LINGO1: variants seen among roughly 807,000 people sequenced by gnomAD.
The protein encoded by LINGO1 is leucine-rich repeat and immunoglobulin-like domain-containing nogo receptor-interacting protein 1.
In LINGO1, 11 loss-of-function variants were observed where a neutral mutation model predicts 37.3. The ratio of observed to expected loss-of-function variants is 0.29; its 90% CI spans 0.19 to 0.49. The LOEUF (loss-of-function observed/expected upper bound fraction) is 0.49, where lower values mean the gene tolerates loss of function less well. LINGO1 is among the 20% of genes least tolerant of loss of function. The probability of loss-of-function intolerance (pLI) is 0.99; values close to 1 mark genes in which losing one functional copy is unlikely to be tolerated. For missense variants in LINGO1, 585 were observed against 878.2 expected (o/e 0.67, Z 4.22); for synonymous variants, 387 against 403.0 (o/e 0.96, Z 0.48).
At chr15:77,711,151 T>A (rs1392284776) in intron 2 of LINGO1, among the ~76,000 whole-genome samples, 1 of 152,186 alleles carries the variant, frequency 6.6e-6, no homozygotes, top group Admixed American at 6.5e-5. Context: ...CAACCCTTGC[T>A]CCTCCTTTGC....
In LINGO1 at chr15:77,663,919, G is replaced by C. The variant is rs138370176; in HGVS notation, c.-13+13170C>G. Among the ~76,000 whole-genome samples, 779 of 152,312 alleles carry C rather than the reference G, an allele frequency of 5.1e-3. 7 individuals carry two copies. Among genetic ancestry groups the C allele is most frequent in the African/African-American group, 0.018 (751 of 41,582 alleles). On this transcript the variant is annotated intron_variant, in intron 3 of 3. Coordinates refer to the LINGO1 transcript ENST00000559893. ...GAGGTCACCTGGACAGGGAGGCCCA[G>C]GGAGGGGCTAAGCAGGGCAAGCCTG...
At chr15:77,671,552 A>G (rs147679970) in intron 3 of LINGO1, among the ~76,000 whole-genome samples, 3 of 152,276 alleles carry the variant, frequency 2.0e-5, no homozygotes, top group Non-Finnish European at 4.4e-5. Flanking sequence ...GGCAGGGAGG[A>G]AGCCCCTTTG....
chr15:77,777,382 T>C (rs147494975), intron 1 of LINGO1, among the ~76,000 whole-genome samples: 2 of 97,108 alleles, frequency 2.1e-5, no homozygotes, highest in Non-Finnish European at 4.7e-5. Context: ...CACACACAAA[T>C]ACACACACCA....
At chr15:77,729,284 A>T (rs541795936) in intron 2 of LINGO1, among the ~76,000 whole-genome samples, 22 of 152,318 alleles carry the variant, frequency 1.4e-4, no homozygotes, top group African/African-American at 5.3e-4. Flanking sequence ...TAGGCTCAGG[A>T]TTAGAGATCA....
intron 1 of LINGO1, among the ~76,000 whole-genome samples, chr15:77,805,355 C>A (rs1182273966): frequency 6.6e-6 from 1 of 152,172 alleles, no homozygotes; most frequent in Non-Finnish European, 1.5e-5. Context: ...AGAACAGAGA[C>A]CTTCCACCCA....
intron 3 of LINGO1, among the ~76,000 whole-genome samples, chr15:77,645,127 C>T (rs1314518157): frequency 6.6e-6 from 1 of 152,158 alleles, no homozygotes; most frequent in Non-Finnish European, 1.5e-5. Flanking sequence ...GACTCACAGG[C>T]TGTGGACCCC....
chr15:77,797,032 C>T (rs1486624433), intron 1 of LINGO1, among the ~76,000 whole-genome samples: 1 of 152,186 alleles, frequency 6.6e-6, no homozygotes, highest in Non-Finnish European at 1.5e-5. Flanking sequence ...ATATATTCTC[C>T]AAGGGTTCCT....
intron 2 of LINGO1, among the ~76,000 whole-genome samples, chr15:77,702,020 G>A (rs1249690535): frequency 1.9e-4 from 29 of 152,210 alleles, no homozygotes; most frequent in Admixed American, 1.9e-3. Flanking sequence ...GAGGCTAGTA[G>A]AGGGTGTCAG....
At chr15:77,705,775 G>A (rs1183073617) in intron 2 of LINGO1, among the ~76,000 whole-genome samples, 2 of 152,236 alleles carry the variant, frequency 1.3e-5, no homozygotes, top group African/African-American at 4.8e-5. Context: ...CAGGGTGGCT[G>A]AGGCCTTCTG....
Position 77,702,421 on chromosome 15 carries a change from C to T in LINGO1, c.-194-11520G>A, listed in dbSNP as rs150699171. On this transcript the variant is annotated intron_variant, in intron 2 of 3. Coordinates refer to the LINGO1 transcript ENST00000561686. ...GGATCATGTGCCTGGGGTCAGGTAT[C>T]ACAGATGACCCCACCCTCCACCCCA... is the stretch of plus-strand genomic sequence containing the variant. Among the ~76,000 whole-genome samples, 1,304 of 152,244 alleles carry T rather than the reference C, an allele frequency of 8.6e-3. 9 individuals are homozygous for T. Among genetic ancestry groups the T allele is most frequent in the South Asian group, 0.018 (86 of 4,816 alleles).
At chr15:77,697,392 T>C (rs959207300), upstream of LINGO1, among the ~76,000 whole-genome samples, 1 of 152,110 alleles carries the variant, frequency 6.6e-6, no homozygotes, top group African/African-American at 2.4e-5. Flanking sequence ...CCACTGCTGT[T>C]GCAGGGCCTG....
intron 2 of LINGO1, among the ~76,000 whole-genome samples, chr15:77,684,537 C>A (rs986211897): frequency 3.9e-5 from 6 of 152,212 alleles, no homozygotes; most frequent in African/African-American, 1.2e-4. Context: ...TGCAACTGCT[C>A]CCCCACCACT....
At position 77,632,895 on chromosome 15, in the gene LINGO1, G is replaced by A. The variant is rs142291768; in HGVS notation, c.-580C>T. On this transcript the variant is annotated 5_prime_UTR_variant, in exon 1 of 2. Transcript: ENST00000355300. The surrounding 1 kb of genome is among the most constrained non-coding windows in gnomAD (Gnocchi z 6.0). ...CGCTCGGGCTCCGCGCTCTGCAGCG[G>A]CGCGGGGAGGGAGCACTAGGAGCGA... is the stretch of plus-strand genomic sequence containing the variant. 6.6e-6 allele frequency among the ~76,000 whole-genome samples: 1 copy of A among 150,750 alleles called. No homozygotes were observed. Among genetic ancestry groups the A allele is most frequent in the Non-Finnish European group, 1.5e-5 (1 of 67,478 alleles).
At chr15:77,818,617 G>C (rs907266963) in intron 1 of LINGO1, among the ~76,000 whole-genome samples, 1 of 151,950 alleles carries the variant, frequency 6.6e-6, no homozygotes, top group Non-Finnish European at 1.5e-5. Flanking sequence ...CAGAAGGCGC[G>C]GGGACACACA....
At chr15:77,639,531 C>T (rs567047400) in intron 3 of LINGO1, among the ~76,000 whole-genome samples, 13 of 151,972 alleles carry the variant, frequency 8.6e-5, no homozygotes, top group African/African-American at 3.1e-4. Context: ...GAGGAGCGCG[C>T]ATGGCAGGAT....
chr15:77,647,929 T>C (rs2074672703), intron 3 of LINGO1: 2 of 456,404 alleles, frequency 4.4e-6, no homozygotes, highest in South Asian at 1.5e-5. Flanking sequence ...TCTATGAAAA[T>C]TGGTGCCACC....
chr15:77,627,076 CAG>C (rs1164449107), intron 1 of LINGO1, among the ~76,000 whole-genome samples: 1 of 150,708 alleles, frequency 6.6e-6, no homozygotes, highest in Non-Finnish European at 1.5e-5. Flanking sequence ...GAGGAGGTGG[CAG>C]AGAGAGATTA....
At chr15:77,708,059 C>A (rs1412177791) in intron 2 of LINGO1, among the ~76,000 whole-genome samples, 1 of 152,182 alleles carries the variant, frequency 6.6e-6, no homozygotes, top group African/African-American at 2.4e-5. Flanking sequence ...AAGGTAATTA[C>A]AGTTCTTCCT....
At chr15:77,770,242 T>G (rs1210251982) in intron 1 of LINGO1, among the ~76,000 whole-genome samples, 1 of 152,188 alleles carries the variant, frequency 6.6e-6, no homozygotes, top group Non-Finnish European at 1.5e-5. Flanking sequence ...TGACTGGATC[T>G]GGTTGAATCC....
Sources: gnomAD v4.1 joint callset for allele counts (sites outside exome capture counted in the v4.1 genomes callset) on GRCh38, gnomAD v4.1.1 for gene constraint, Gnocchi (gnomAD v3.1) non-coding constraint, MANE v1.5 for transcripts, NCBI Gene and HGNC (gene_info 2026-07-23, HGNC 2026-07-21) for gene names.